NPFFR2: variants seen among roughly 807,000 people sequenced by gnomAD.
NPFFR2 encodes the protein G-protein coupled receptor 74.
In NPFFR2, 15 loss-of-function variants were observed where a neutral mutation model predicts 13.1. The observed-to-expected ratio is 1.15, with a 90% confidence interval of 0.77 to 1.76. NPFFR2 has a LOEUF of 1.76. Ranked by LOEUF, NPFFR2 falls within the 40% of genes most tolerant of loss-of-function variation. The pLI is 0.00. For missense variants in NPFFR2, 572 were observed against 503.5 expected, an observed-to-expected ratio of 1.14 and a Z score of -1.30; for synonymous variants, 190 against 175.7, an observed-to-expected ratio of 1.08 and a Z score of -0.65.
intron 1 of NPFFR2, among the ~76,000 whole-genome samples, chr4:72,073,934 A>T (rs1272008870): frequency 6.6e-6 from 1 of 152,060 alleles, no homozygotes; most frequent in Non-Finnish European, 1.5e-5. Flanking sequence ...AATTAGCTAA[A>T]CAGAAAAAAA....
At chr4:72,119,710 C>G (rs1721812511) in intron 1 of NPFFR2, among the ~76,000 whole-genome samples, 1 of 152,190 alleles carries the variant, frequency 6.6e-6, no homozygotes, top group Non-Finnish European at 1.5e-5. Context: ...AAGGGAAGCC[C>G]TGAGAGATTG....
intron 1 of NPFFR2, among the ~76,000 whole-genome samples, chr4:72,037,242 C>CA (rs990612014): frequency 7.5e-5 from 11 of 145,984 alleles, no homozygotes; most frequent in African/African-American, 2.9e-4. Context: ...AAAAAAAAAA[C>CA]AAAAAACTAG....
chr4:72,115,237 A>G (rs997895464), intron 1 of NPFFR2, among the ~76,000 whole-genome samples: 5 of 152,184 alleles, frequency 3.3e-5, no homozygotes, highest in African/African-American at 1.2e-4. Context: ...TGTAGAAATG[A>G]AAAGGTCAAG....
chr4:72,093,731 A>T (rs980465328), intron 1 of NPFFR2, among the ~76,000 whole-genome samples: 14 of 149,530 alleles, frequency 9.4e-5, no homozygotes, highest in African/African-American at 3.4e-4. Context: ...TTCCATTCAC[A>T]TCCTGTATCA....
chr4:72,075,708 C>T (rs1263815277), intron 1 of NPFFR2, among the ~76,000 whole-genome samples: 1 of 152,028 alleles, frequency 6.6e-6, no homozygotes, highest in Non-Finnish European at 1.5e-5. Flanking sequence ...ATATGAGGTA[C>T]ATTGAGTAGT....
At chr4:72,074,079 A>G (rs1232121444) in intron 1 of NPFFR2, among the ~76,000 whole-genome samples, 1 of 149,580 alleles carries the variant, frequency 6.7e-6, no homozygotes, top group Admixed American at 6.7e-5. Context: ...CAAAAATATT[A>G]ATCAATACTC....
chr4:72,128,679 A>T lies in NPFFR2; in HGVS notation c.88A>T (p.Ile30Phe), dbSNP rs1240879695. The change falls in exon 2 of 4, where the codon ATT becomes TTT. Residue 30 changes from isoleucine to phenylalanine, a missense_variant. By Grantham distance (21) the Ile-to-Phe change is conservative (BLOSUM62 0). Coordinates refer to ENST00000308744, the MANE Select transcript of NPFFR2 (RefSeq NM_004885.3). ...CACAAAGCATCATCTGTACTCAGATATTAATATTACCTATGTGAACTACTA... is the reference window on the plus strand; with the variant it reads ...CACAAAGCATCATCTGTACTCAGATTTTAATATTACCTATGTGAACTACTA... ...NDTKHHLYSD[I>F]NITYVNYYLH... 1 of 1,613,700 alleles carries T rather than the reference A, an allele frequency of 6.2e-7. No individual in the cohort carries two copies.
intron 1 of NPFFR2, among the ~76,000 whole-genome samples, chr4:72,089,894 A>G (rs774087247): frequency 2.0e-5 from 3 of 151,950 alleles, no homozygotes; most frequent in Non-Finnish European, 4.4e-5. Flanking sequence ...AAGTCTTTGA[A>G]TAAGCCAAGG....
intron 1 of NPFFR2, among the ~76,000 whole-genome samples, chr4:72,072,675 T>A (rs1720294482): frequency 6.6e-6 from 1 of 152,070 alleles, no homozygotes; most frequent in Non-Finnish European, 1.5e-5. Flanking sequence ...GGCTGAAAAC[T>A]TTTCAAATAT....
At chr4:72,119,612 G>A (rs917474258) in intron 1 of NPFFR2, among the ~76,000 whole-genome samples, 1 of 152,182 alleles carries the variant, frequency 6.6e-6, no homozygotes, top group Non-Finnish European at 1.5e-5. Context: ...TAGACAGTGG[G>A]TGCAGCCCAC....
At chr4:72,034,943 T>C (rs1042012585) in intron 1 of NPFFR2, among the ~76,000 whole-genome samples, 6 of 152,194 alleles carry the variant, frequency 3.9e-5, no homozygotes, top group African/African-American at 1.4e-4. Flanking sequence ...GTAAAGAAAT[T>C]AGGTTTCTTC....
intron 3 of NPFFR2, among the ~76,000 whole-genome samples, chr4:72,139,742 C>T (rs897895198): frequency 8.6e-5 from 13 of 152,004 alleles, no homozygotes; most frequent in Middle Eastern, 3.2e-3. Flanking sequence ...GCAATGCGGG[C>T]TCTTTTTTAG....
At chr4:72,040,294 G>A (rs1445708223) in intron 1 of NPFFR2, among the ~76,000 whole-genome samples, 2 of 152,002 alleles carry the variant, frequency 1.3e-5, no homozygotes, top group Non-Finnish European at 2.9e-5. Context: ...AAAAATTTTA[G>A]CATGGGTTTT....
intron 1 of NPFFR2, among the ~76,000 whole-genome samples, chr4:72,065,795 C>T (rs1720049859): frequency 6.6e-6 from 1 of 152,082 alleles, no homozygotes; most frequent in African/African-American, 2.4e-5. Context: ...CTATCCCAGG[C>T]AAATCTGGTC....
chr4:72,071,330 T>G (rs4472108), intron 1 of NPFFR2, among the ~76,000 whole-genome samples: 136,884 of 152,112 alleles, frequency 0.9, 62,542 homozygotes, highest in Non-Finnish European at 0.98. Context: ...ACAGGCAAGA[T>G]TTGACACTTT....
At chr4:72,137,601 A>T (rs1035914151) in intron 2 of NPFFR2, among the ~76,000 whole-genome samples, 1 of 152,168 alleles carries the variant, frequency 6.6e-6, no homozygotes, top group African/African-American at 2.4e-5. Flanking sequence ...CTGACTGTTT[A>T]TTCATTTAAA....
chr4:72,079,699 A>G (rs1720550678), intron 1 of NPFFR2, among the ~76,000 whole-genome samples: 1 of 152,200 alleles, frequency 6.6e-6, no homozygotes, highest in Non-Finnish European at 1.5e-5. Flanking sequence ...AGTATGTTCA[A>G]ACTACACATC....
chr4:72,098,910 T>A (rs1314193364), intron 1 of NPFFR2, among the ~76,000 whole-genome samples: 1 of 152,178 alleles, frequency 6.6e-6, no homozygotes, highest in East Asian at 1.9e-4. Context: ...TCTGTATTGG[T>A]TCAAGGGGCT....
At chr4:72,045,890 G>T (rs2109759857) in intron 1 of NPFFR2, among the ~76,000 whole-genome samples, 1 of 152,216 alleles carries the variant, frequency 6.6e-6, no homozygotes. Context: ...GCGGAGTAAT[G>T]AAGATTTTTA....
Sources: allele counts gnomAD v4.1 joint callset (sites outside exome capture counted in the v4.1 genomes callset), GRCh38; gene constraint gnomAD v4.1.1; transcripts MANE v1.5; gene names NCBI Gene and HGNC (gene_info 2026-07-23, HGNC 2026-07-21).